The following ADAMTSL1 variants were observed in gnomAD, a reference collection of about 807,000 sequenced individuals.
The protein encoded by ADAMTSL1 is ADAMTS-like protein 1.
ADAMTSL1 carries 126 observed loss-of-function variants against 201.8 expected under a neutral mutation model. The ratio of observed to expected loss-of-function variants is 0.62; its 90% CI spans 0.54 to 0.72. The LOEUF is 0.72. Among genes scored for constraint, ADAMTSL1 ranks in the 30% least tolerant of loss-of-function variants. The pLI is 0.00. For synonymous variants in ADAMTSL1, 1,121 were observed against 903.4 expected (o/e 1.24, Z -4.32); for missense variants, 2,679 against 2,277.8 (o/e 1.18, Z -3.59).
At chr9:18,439,210 C>CG (rs1368671651) in intron 2 of ADAMTSL1, among the ~76,000 whole-genome samples, 1 of 152,124 alleles carries the variant, frequency 6.6e-6, no homozygotes, top group African/African-American at 2.4e-5. Context: ...AAATCACCCC[C>CG]GGTTCCTATG....
At chr9:18,171,006 G>A (rs987513377) in intron 2 of ADAMTSL1, among the ~76,000 whole-genome samples, 2 of 152,064 alleles carry the variant, frequency 1.3e-5, no homozygotes, top group Non-Finnish European at 2.9e-5. Context: ...AAATGTTCAT[G>A]AATGGGAAGT....
At chr9:18,906,093 C>T (rs1029381101) in intron 27 of ADAMTSL1, among the ~76,000 whole-genome samples, 8 of 152,174 alleles carry the variant, frequency 5.3e-5, no homozygotes, top group Non-Finnish European at 1.2e-4. Context: ...ATGGGCTAGG[C>T]TGGGCTTTTC....
chr9:18,311,047 C>A (rs1350576059), intron 2 of ADAMTSL1, among the ~76,000 whole-genome samples: 1 of 152,024 alleles, frequency 6.6e-6, no homozygotes, highest in African/African-American at 2.4e-5. Context: ...AGTTCATGTC[C>A]TTTGTAGGGA....
chr9:18,662,600 G>T (rs1202425864), intron 9 of ADAMTSL1, among the ~76,000 whole-genome samples: 6 of 152,148 alleles, frequency 3.9e-5, no homozygotes, highest in Non-Finnish European at 8.8e-5. Flanking sequence ...CTTTGCTAAA[G>T]AGAAAGAACT....
chr9:18,088,722 A>T (rs1823873658), intron 1 of ADAMTSL1, among the ~76,000 whole-genome samples: 1 of 152,202 alleles, frequency 6.6e-6, no homozygotes, highest in East Asian at 1.9e-4. Flanking sequence ...TATTATCATA[A>T]AAATGAAAGA....
chr9:18,332,170 ACACTCCT>A (rs1835055216), intron 2 of ADAMTSL1, among the ~76,000 whole-genome samples: 1 of 152,208 alleles, frequency 6.6e-6, no homozygotes, highest in African/African-American at 2.4e-5. Context: ...TACAAAAGGC[ACACTCCT>A]CACTGTACTT....
chr9:18,727,957 G>T (rs1018005271), intron 15 of ADAMTSL1, among the ~76,000 whole-genome samples: 3 of 151,976 alleles, frequency 2.0e-5, no homozygotes, highest in Non-Finnish European at 2.9e-5. Flanking sequence ...GCGTGCCCCT[G>T]TAACCCCAGC....
chr9:18,586,482 T>C (rs1823497517), intron 4 of ADAMTSL1, among the ~76,000 whole-genome samples: 2 of 152,148 alleles, frequency 1.3e-5, no homozygotes, highest in African/African-American at 2.4e-5. Flanking sequence ...TGCTCATGGA[T>C]AGGAAGAATC....
At chr9:18,254,025 C>T (rs2819206) in intron 2 of ADAMTSL1, among the ~76,000 whole-genome samples, 98,765 of 151,938 alleles carry the variant, frequency 0.65, 32,573 homozygotes, top group African/African-American at 0.75. Flanking sequence ...GACCAGATAT[C>T]ATCGTGTTTG....
In ADAMTSL1 at chr9:18,250,850, A is replaced by C. The variant is rs544730707; in HGVS notation, c.207+86869A>C. Reference sequence around the variant, plus strand: ...AAGAAATGACTCGTTTTCTACCACCAGCCCGTTTGCCACTGCTAAGGAATC... The same window carrying C: ...AAGAAATGACTCGTTTTCTACCACCCGCCCGTTTGCCACTGCTAAGGAATC... On this transcript the variant is annotated intron_variant, in intron 2 of 29. Coordinates refer to the ADAMTSL1 transcript ENST00000680146. Among the ~76,000 whole-genome samples, 2 of 152,300 alleles carry C rather than the reference A, an allele frequency of 1.3e-5. 1 individual carries two copies. Among genetic ancestry groups the C allele is most frequent in the South Asian group, 4.1e-4 (2 of 4,824 alleles).
intron 2 of ADAMTSL1, among the ~76,000 whole-genome samples, chr9:18,180,216 G>A (rs1410886172): frequency 6.6e-6 from 1 of 152,070 alleles, no homozygotes; most frequent in Non-Finnish European, 1.5e-5. Context: ...AAAAGGCAGG[G>A]GTTGCAATCC....
intron 1 of ADAMTSL1, among the ~76,000 whole-genome samples, chr9:17,975,370 G>C (rs1455332141): frequency 6.6e-6 from 1 of 151,978 alleles, no homozygotes; most frequent in African/African-American, 2.4e-5. Flanking sequence ...TCCAAGATCA[G>C]GGCACCAGCA....
intron 9 of ADAMTSL1, among the ~76,000 whole-genome samples, chr9:18,667,518 C>G (rs1829524561): frequency 6.6e-6 from 1 of 152,092 alleles, no homozygotes; most frequent in Non-Finnish European, 1.5e-5. Context: ...ATTCCTTATT[C>G]CCACTAAGCC....
chr9:18,013,233 G>A (rs1218606512), intron 1 of ADAMTSL1, among the ~76,000 whole-genome samples: 1 of 151,972 alleles, frequency 6.6e-6, no homozygotes, highest in Non-Finnish European at 1.5e-5. Context: ...GGCTTGCAGA[G>A]CACTTTCACA....
At chr9:18,607,239 A>C (rs1032633362) in intron 4 of ADAMTSL1, among the ~76,000 whole-genome samples, 10 of 152,220 alleles carry the variant, frequency 6.6e-5, no homozygotes, top group Non-Finnish European at 1.5e-4. Flanking sequence ...CTGCACCTAC[A>C]GAATATAGTT....
intron 20 of ADAMTSL1, among the ~76,000 whole-genome samples, chr9:18,808,824 T>TC (rs1231175653): frequency 6.6e-6 from 1 of 152,232 alleles, no homozygotes; most frequent in Non-Finnish European, 1.5e-5. Context: ...AGATCTGGGC[T>TC]CCAGTTCAGC....
At chr9:18,603,389 TGC>T (rs1824794142) in intron 4 of ADAMTSL1, among the ~76,000 whole-genome samples, 1 of 130,196 alleles carries the variant, frequency 7.7e-6, no homozygotes, top group Admixed American at 7.3e-5. Flanking sequence ...TGCTATGCTA[TGC>T]TATGCTATGC....
chr9:18,201,649 T>G (rs1829451732), intron 2 of ADAMTSL1, among the ~76,000 whole-genome samples: 1 of 152,100 alleles, frequency 6.6e-6, no homozygotes, highest in African/African-American at 2.4e-5. Flanking sequence ...TTTGTAAATA[T>G]AAAACTAATA....
At chr9:18,626,263 C>T (rs1414795864) in intron 5 of ADAMTSL1, among the ~76,000 whole-genome samples, 1 of 152,082 alleles carries the variant, frequency 6.6e-6, no homozygotes, top group Admixed American at 6.6e-5. Context: ...AAAAACAAAC[C>T]AGAGCAGGAG....
Sources: gnomAD v4.1 joint callset for allele counts (sites outside exome capture counted in the v4.1 genomes callset) on GRCh38, gnomAD v4.1.1 for gene constraint, MANE v1.5 for transcripts, NCBI Gene and HGNC (gene_info 2026-07-23, HGNC 2026-07-21) for gene names.